ZNF718: variants seen among roughly 807,000 people sequenced by gnomAD.
ZNF718 encodes zinc finger protein 718.
Under a neutral mutation model 2.6 loss-of-function variants are expected in ZNF718, and 3 were observed. The ratio of observed to expected loss-of-function variants is 1.16; its 90% CI spans 0.53 to 3.01. The LOEUF is 3.01. Ranked by LOEUF, ZNF718 falls within the 30% of genes most tolerant of loss-of-function variation. The pLI is 0.03. For synonymous variants in ZNF718, 135 were observed against 77.9 expected, an observed-to-expected ratio of 1.73 and a Z score of -3.86; for missense variants, 468 against 230.0, an observed-to-expected ratio of 2.03 and a Z score of -6.69.
At chr4:138,333 T>C (rs2108784871) in intron 3 of ZNF718, among the ~76,000 whole-genome samples, 1 of 152,322 alleles carries the variant, frequency 6.6e-6, no homozygotes, top group Admixed American at 6.5e-5. Context: ...TCTCTGTCTC[T>C]ATGAATTAGT....
Position 131,474 on chromosome 4 carries a change from G to A in ZNF718, c.195G>A (p.Leu65=). 1 of 520,676 alleles carries A rather than the reference G, an allele frequency of 1.9e-6. No homozygotes were observed. Among genetic ancestry groups the A allele is most frequent in the Non-Finnish European group, 3.1e-6 (1 of 326,976 alleles). 32.3% of individuals were successfully genotyped at this position (520,676 alleles called of 1,614,324 possible). ...AGCAAAGAAAAGAGCCCTACAATTT[G>A]AAGATACATGAAACAGCAGCCAGAC... is the stretch of plus-strand genomic sequence containing the variant. ...SLEQRKEPYN[L]KIHETAARPP... is the part of the protein sequence containing the mutation. Residue 65 remains leucine (L), a synonymous_variant, in exon 3 of 4, where the codon TTG becomes TTA. Coordinates refer to ENST00000510175, the MANE Select transcript of ZNF718 (RefSeq NM_001039127.6).
intron 3 of ZNF718, among the ~76,000 whole-genome samples, chr4:200,569 T>G (rs1178770210): frequency 6.6e-6 from 1 of 152,146 alleles, no homozygotes; most frequent in African/African-American, 2.4e-5. Flanking sequence ...GCCTGGCTGG[T>G]TTTTTGTTTT....
intron 3 of ZNF718, among the ~76,000 whole-genome samples, chr4:193,274 C>T (rs116820240): frequency 0.018 from 2,776 of 152,108 alleles, 87 homozygotes; most frequent in African/African-American, 0.063. Flanking sequence ...TCTGGTGACC[C>T]CGGCAGTGTT....
intron 3 of ZNF718, among the ~76,000 whole-genome samples, chr4:139,854 G>T (rs1234682907): frequency 6.6e-6 from 1 of 152,172 alleles, no homozygotes; most frequent in African/African-American, 2.4e-5. Context: ...GCAACTGCAG[G>T]TTTCTGGCTG....
chr4:124,945 T>C, intron 1 of ZNF718: 1 of 397,710 alleles, frequency 2.5e-6, no homozygotes, highest in South Asian at 2.8e-5. Context: ...CGCGGCGGCC[T>C]GCGCGGTGCC....
At chr4:160,482 T>C (rs782301202) in intron 3 of ZNF718, among the ~76,000 whole-genome samples, 1 of 152,260 alleles carries the variant, frequency 6.6e-6, no homozygotes, top group African/African-American at 2.4e-5. Context: ...CTTACTGATA[T>C]ACTTTGTATA....
Position 131,350 on chromosome 4 carries a change from A to G in ZNF718, c.131-60A>G. On this transcript the variant is annotated intron_variant, in intron 2 of 3. Transcript: ENST00000510175. ...TCTCTATTCTACTTAGCATAGTACT[A>G]GGTTGGTAATTGGAGTATCCCCAGC... 2 of 289,904 alleles carry G rather than the reference A, an allele frequency of 6.9e-6. 1 individual carries two copies. The allele number at this position is 289,904 out of a possible 1,614,324, so 18.0% of individuals were successfully genotyped here. A position where few individuals can be genotyped will look rare whatever the true frequency, so the allele number is the denominator to read the frequency against.
intron 3 of ZNF718, among the ~76,000 whole-genome samples, chr4:182,029 T>C (rs1717475422): frequency 6.6e-6 from 1 of 152,206 alleles, no homozygotes; most frequent in Non-Finnish European, 1.5e-5. Flanking sequence ...AATTTCATGG[T>C]GTTTATGTAT....
At chr4:190,914 CTG>C (rs1553821090) in intron 3 of ZNF718, among the ~76,000 whole-genome samples, 1 of 151,812 alleles carries the variant, frequency 6.6e-6, no homozygotes, top group Non-Finnish European at 1.5e-5. Flanking sequence ...TTGTGGGTGA[CTG>C]TAATCCTAGC....
downstream of ZNF718, among the ~76,000 whole-genome samples, chr4:166,976 T>C (rs1553816994): frequency 6.6e-6 from 1 of 152,222 alleles, no homozygotes; most frequent in South Asian, 2.1e-4. Flanking sequence ...AGGGTTTTTA[T>C]GGTTTTAGGC....
intron 3 of ZNF718, among the ~76,000 whole-genome samples, chr4:156,852 T>C (rs1716588655): frequency 6.6e-6 from 1 of 152,168 alleles, no homozygotes; most frequent in South Asian, 2.1e-4. Context: ...TGAGAGACAT[T>C]TGCATTACTT....
chr4:124,827 C>G lies in ZNF718; in HGVS notation c.3+154C>G, dbSNP rs1715121751. ...AGGGACCCGCGCTCTTGTCAGTCCC[C>G]GTACAGCGGCTCTGGCCCAGCCTGC... On this transcript the variant is annotated intron_variant, in intron 1 of 3. Transcript: ENST00000510175. The G allele has an allele frequency of 7.0e-6, 7 of 994,766 alleles. No homozygotes were observed. The South Asian group carries it at 1.0e-4, about 15-fold the overall frequency. 61.6% of individuals were successfully genotyped at this position (994,766 alleles called of 1,614,324 possible). A position where few individuals can be genotyped will look rare whatever the true frequency, so the allele number is the denominator to read the frequency against.
At chr4:143,496 T>A (rs1715904821) in intron 3 of ZNF718, among the ~76,000 whole-genome samples, 1 of 152,104 alleles carries the variant, frequency 6.6e-6, no homozygotes, top group Non-Finnish European at 1.5e-5. Context: ...AAGGGGGAAG[T>A]TTTTAAACAA....
chr4:146,231 A>G (rs1553811292), intron 3 of ZNF718, among the ~76,000 whole-genome samples: 4 of 151,884 alleles, frequency 2.6e-5, no homozygotes, highest in African/African-American at 9.7e-5. Flanking sequence ...CCCTCAACTT[A>G]TTTTTTAATC....
downstream of ZNF718, among the ~76,000 whole-genome samples, chr4:164,566 A>G (rs951697001): frequency 1.8e-4 from 27 of 152,210 alleles, no homozygotes; most frequent in South Asian, 4.1e-4. Flanking sequence ...TTTTAACTTC[A>G]TTAAGTATTT....
At chr4:186,960 C>A (rs1443882125) in intron 3 of ZNF718, among the ~76,000 whole-genome samples, 1 of 152,162 alleles carries the variant, frequency 6.6e-6, no homozygotes, top group Admixed American at 6.5e-5. Flanking sequence ...AGAGGTGTTG[C>A]AGTCATTTGG....
Position 128,276 on chromosome 4 carries a change from A to T in ZNF718, c.4-2512A>T, listed in dbSNP as rs1424364370. ...TAGACATCTTAAGCCCCATTTTTAG[A>T]GTGGGGCCCTTTGAGTTTTCCAGAT... On this transcript the variant is annotated intron_variant, in intron 1 of 3. Transcript: ENST00000510175. 2.9e-5 allele frequency among the ~76,000 whole-genome samples: 3 copies of T among 103,610 alleles called. 1 individual carries two copies. The highest frequency in any genetic ancestry group is 1.0e-4 in the African/African-American group (3 of 29,800). The allele number at this position is 103,610 out of a possible 152,430, so 68.0% of individuals were successfully genotyped here. A position where few individuals can be genotyped will look rare whatever the true frequency, so the allele number is the denominator to read the frequency against.
chr4:169,243 C>A (rs568028924), intron 3 of ZNF718, among the ~76,000 whole-genome samples: 1 of 152,276 alleles, frequency 6.6e-6, no homozygotes, highest in South Asian at 2.1e-4. Context: ...TGTTCTTTTA[C>A]ATTTGCTGAG....
chr4:187,402 T>C (rs1308965752), intron 3 of ZNF718, among the ~76,000 whole-genome samples: 1 of 152,098 alleles, frequency 6.6e-6, no homozygotes, highest in Admixed American at 6.5e-5. Flanking sequence ...AATTTTTGTA[T>C]TTTTAGTAGA....
Sources: gnomAD v4.1 joint callset for allele counts (sites outside exome capture counted in the v4.1 genomes callset) on GRCh38, gnomAD v4.1.1 for gene constraint, MANE v1.5 for transcripts, NCBI Gene and HGNC (gene_info 2026-07-23, HGNC 2026-07-21) for gene names.